FLNB: variants seen among roughly 807,000 people sequenced by gnomAD.
The protein encoded by FLNB is filamin B.
Under a neutral mutation model 250.6 loss-of-function variants are expected in FLNB, and 111 were observed. The ratio of observed to expected loss-of-function variants is 0.44; its 90% CI spans 0.38 to 0.52. The LOEUF (loss-of-function observed/expected upper bound fraction) is 0.52. Ranked by LOEUF, FLNB falls within the 20% of genes least tolerant of loss-of-function variation. FLNB has a pLI of 0.00. For missense variants in FLNB, 2,869 were observed against 3,447.8 expected, an observed-to-expected ratio of 0.83 and a Z score of 4.20; for synonymous variants, 1,302 against 1,372.1, an observed-to-expected ratio of 0.95 and a Z score of 1.13.
intron 1 of FLNB, among the ~76,000 whole-genome samples, chr3:58,011,423 G>A (rs2097098752): frequency 1.3e-5 from 2 of 152,142 alleles, no homozygotes; most frequent in Admixed American, 1.3e-4. Flanking sequence ...GTTAAAGGGT[G>A]TGACCACATT....
chr3:58,147,591 T>C (rs1159351538), intron 34 of FLNB, among the ~76,000 whole-genome samples: 3 of 152,232 alleles, frequency 2.0e-5, no homozygotes, highest in South Asian at 2.1e-4. Flanking sequence ...AATGTGGTCA[T>C]TGTTTACCTA....
intron 1 of FLNB, among the ~76,000 whole-genome samples, chr3:58,057,876 C>G (rs141967955): frequency 6.6e-6 from 1 of 152,026 alleles, no homozygotes; most frequent in Non-Finnish European, 1.5e-5. Context: ...CCACAACCTC[C>G]GCCTCCCAGG....
chr3:58,030,833 G>A (rs1394062439), intron 1 of FLNB, among the ~76,000 whole-genome samples: 1 of 152,106 alleles, frequency 6.6e-6, no homozygotes, highest in Admixed American at 6.5e-5. Context: ...GTGGTGAGCT[G>A]TGGTTGCGCT....
At chr3:58,008,978 T>TC in intron 1 of FLNB, 122 bp downstream of exon 1, 1 of 1,231,022 alleles carries the variant, frequency 8.1e-7, no homozygotes. Context: ...GGGGGAGTCG[T>TC]CCCCAGGGGT....
At chr3:58,032,378 C>T (rs549606487) in intron 1 of FLNB, among the ~76,000 whole-genome samples, 9 of 152,270 alleles carry the variant, frequency 5.9e-5, no homozygotes, top group South Asian at 4.2e-4. Context: ...AGTGTTGAAA[C>T]GGCTGAGCTA....
chr3:58,109,088 G>A, intron 13 of FLNB, 91 bp from the exon 14 acceptor site: 2 of 1,513,672 alleles, frequency 1.3e-6, no homozygotes, highest in South Asian at 2.3e-5. Flanking sequence ...TAAGCAAGTG[G>A]TGACTTGGCT....
intron 28 of FLNB, 100 bp downstream of exon 28, chr3:58,136,268 C>G: frequency 8.5e-7 from 1 of 1,171,966 alleles, no homozygotes; most frequent in Non-Finnish European, 1.3e-6. Flanking sequence ...GATCTGGGCA[C>G]GTTGCTCAAC....
chr3:58,080,588 A>G (rs1422579555), intron 3 of FLNB, among the ~76,000 whole-genome samples: 3 of 145,010 alleles, frequency 2.1e-5, no homozygotes, highest in Non-Finnish European at 4.5e-5. Context: ...TCCGCCTCCT[A>G]GGTACAAGCG....
chr3:58,124,542 G>A (rs199941579), intron 22 of FLNB, 37 bp downstream of exon 22: 1 of 1,611,372 alleles, frequency 6.2e-7, no homozygotes, highest in East Asian at 2.2e-5. Context: ...CCCTCGTTCA[G>A]AGCTGCCCTT....
In FLNB at chr3:58,147,078, C is replaced by T. The variant is rs1290259179; in HGVS notation, c.5728+85C>T. The T allele has an allele frequency of 5.0e-6, 7 of 1,401,196 alleles. No homozygotes were observed. In the South Asian group the frequency reaches 8.3e-5, roughly 17 times the overall value. The allele number at this position is 1,401,196 out of a possible 1,614,324, so 86.8% of individuals were successfully genotyped here. Reference sequence around the variant, plus strand: ...ACCCTCCTTATCAGACCCCTGGCAGCAGGCTAGACGTCTCTTTGAGTTTAG... The same window carrying T: ...ACCCTCCTTATCAGACCCCTGGCAGTAGGCTAGACGTCTCTTTGAGTTTAG... On this transcript the variant is annotated intron_variant, in intron 34 of 45. Transcript: ENST00000295956.
chr3:58,155,998 A>G lies in FLNB; in HGVS notation c.6811A>G (p.Ile2271Val), dbSNP rs1187974314. Residue 2271 changes from isoleucine (I) to valine (V), a missense_variant, in exon 41 of 46, where the codon ATC (isoleucine) becomes GTC (valine). Around this residue, in one of 5 missense-constraint regions of FLNB, gnomAD observed 1,084 missense variants for 1,315.5 expected, o/e 0.82. Coordinates refer to ENST00000295956, the MANE Select transcript of FLNB (RefSeq NM_001457.4). ...EVSIKFNDEH[I>V]PESPYLVPVI... ...GTCCATCAAGTTCAATGATGAGCAC[A>G]TCCCGGAAAGCCCCTACCTGGTGCC... The G allele has an allele frequency of 2.5e-6, 4 of 1,614,164 alleles. No individual in the cohort carries two copies. The highest frequency in any genetic ancestry group is 3.4e-6 in the Non-Finnish European group (4 of 1,179,996).
Position 58,096,123 on chromosome 3 carries a change from G to C in FLNB, c.907-18G>C, listed in dbSNP as rs1443905322. 2 of 1,605,202 alleles carry C rather than the reference G, an allele frequency of 1.2e-6. No homozygotes were observed. Among genetic ancestry groups the C allele is most frequent in the Non-Finnish European group, 1.7e-6 (2 of 1,172,554 alleles). On this transcript the variant is annotated intron_variant, in intron 5 of 45. Transcript: ENST00000295956. ...ACACCCGGCACCTTTTCTAACTGTT[G>C]CCCACCTTCCCTCCTAGGCACAAGT...
intron 29 of FLNB, among the ~76,000 whole-genome samples, chr3:58,139,790 A>G (rs1001403855): frequency 7.9e-5 from 12 of 152,158 alleles, no homozygotes; most frequent in Non-Finnish European, 2.9e-5. Flanking sequence ...GTTGGTTAGA[A>G]TTAGGTGGAA....
intron 6 of FLNB, 76 bp downstream of exon 6, chr3:58,096,294 G>A: frequency 1.9e-6 from 2 of 1,045,776 alleles, no homozygotes; most frequent in Non-Finnish European, 3.0e-6. Flanking sequence ...GAAGAAGAGT[G>A]TTTTTCTTAA....
intron 43 of FLNB, 64 bp from the exon 44 acceptor site, chr3:58,168,376 C>A: frequency 2.4e-6 from 3 of 1,256,992 alleles, no homozygotes; most frequent in Non-Finnish European, 3.5e-6. Flanking sequence ...CTCACCACGG[C>A]CTCAGTGCTC....
chr3:58,051,142 G>A (rs1042258534), intron 1 of FLNB, among the ~76,000 whole-genome samples: 4 of 152,170 alleles, frequency 2.6e-5, no homozygotes, highest in African/African-American at 7.2e-5. Context: ...GGAATCAAGG[G>A]CAGGTCCTCT....
chr3:58,114,098 G>C (rs866296491), intron 18 of FLNB, among the ~76,000 whole-genome samples: 1 of 152,062 alleles, frequency 6.6e-6, no homozygotes, highest in East Asian at 1.9e-4. Flanking sequence ...TATATGTTTT[G>C]CTTCTCTCTT....
Position 58,077,254 on chromosome 3 carries a change from C to T in FLNB, c.501C>T (p.Asp167=), listed in dbSNP as rs746892435. The T allele has an allele frequency of 5.0e-6, 8 of 1,614,066 alleles. No homozygotes were observed. Among genetic ancestry groups the T allele is most frequent in the South Asian group, 4.4e-5 (4 of 91,084 alleles). ...PITNFNQNWQ[D]GKALGALVDS... is the part of the protein sequence containing the mutation. ...CCAACTTTAACCAGAACTGGCAAGA[C>T]GGCAAAGCCCTGGGAGCCCTGGTAG... Residue 167 remains aspartate, a synonymous_variant, in exon 2 of 46, where the codon GAC becomes GAT. Coordinates refer to ENST00000295956, the MANE Select transcript of FLNB (RefSeq NM_001457.4).
intron 33 of FLNB, 78 bp from the exon 34 acceptor site, chr3:58,146,742 G>T: frequency 6.7e-7 from 1 of 1,495,710 alleles, no homozygotes; most frequent in Admixed American, 1.7e-5. Flanking sequence ...GGCTGCCCTG[G>T]ATGAGTTGTT....
Sources: gnomAD v4.1 joint callset for allele counts (sites outside exome capture counted in the v4.1 genomes callset) on GRCh38, gnomAD v4.1.1 for gene constraint, gnomAD v4.1.1 regional missense constraint, MANE v1.5 for transcripts, NCBI Gene and HGNC (gene_info 2026-07-23, HGNC 2026-07-21) for gene names.